ASPH: variants seen among roughly 807,000 people sequenced by gnomAD.
The protein encoded by ASPH is aspartyl/asparaginyl beta-hydroxylase.
In ASPH, 100 loss-of-function variants were observed where a neutral mutation model predicts 118.4. That is an observed-to-expected ratio of 0.84 (90% CI 0.72 to 1.00). The LOEUF (loss-of-function observed/expected upper bound fraction) is 1.00. Among genes scored for constraint, ASPH ranks in the 50% least tolerant of loss-of-function variants. The pLI, the probability that ASPH is intolerant of heterozygous loss-of-function variation, is 0.00. For missense variants in ASPH, 920 were observed against 919.5 expected (o/e 1.00, Z -0.01); for synonymous variants, 315 against 325.6 (o/e 0.97, Z 0.35).
intron 3 of ASPH, chr8:61,662,978 G>A: frequency 1.0e-6 from 1 of 985,386 alleles, no homozygotes. Flanking sequence ...AAAATTACCA[G>A]AATGCTCTCA....
At chr8:61,691,285 A>T (rs1441531946) in intron 1 of ASPH, among the ~76,000 whole-genome samples, 1 of 152,204 alleles carries the variant, frequency 6.6e-6, no homozygotes, top group Non-Finnish European at 1.5e-5. Flanking sequence ...CATAGTCTGC[A>T]ACCTATGGTA....
intron 15 of ASPH, chr8:61,579,042 C>T (rs1374486247): frequency 2.4e-5 from 39 of 1,610,466 alleles, no homozygotes; most frequent in Admixed American, 1.7e-4. Flanking sequence ...CAACCAAAGA[C>T]GGGCTGAGGC....
intron 1 of ASPH, among the ~76,000 whole-genome samples, chr8:61,700,290 C>A (rs968708161): frequency 3.3e-5 from 5 of 152,212 alleles, no homozygotes; most frequent in African/African-American, 1.2e-4. Context: ...TTTTCCTCCC[C>A]AGCACAGCCC....
intron 14 of ASPH, among the ~76,000 whole-genome samples, chr8:61,588,944 C>T (rs1427733419): frequency 6.6e-6 from 1 of 152,156 alleles, no homozygotes; most frequent in Non-Finnish European, 1.5e-5. Flanking sequence ...GCAATAACAC[C>T]AGTACCTGCA....
chr8:61,562,786 GA>G lies in ASPH; in HGVS notation c.1394del (p.Leu465ProfsTer2). On this transcript the variant is annotated frameshift_variant, in exon 18 of 25. Transcript: ENST00000379454. LOFTEE classifies it high-confidence loss of function. ...SLKNDLGVGY[L>X]LIGDNDNAKK... ...TTGCATTGTCATTATCTCCTATCAA[GA>G]GGTATCCCACGCCAAGGTCATTTTT... 6.2e-7 allele frequency: 1 copy of G among 1,612,130 alleles called. No individual in the cohort carries two copies. The highest frequency in any genetic ancestry group is 1.1e-5 in the South Asian group (1 of 90,668).
At chr8:61,546,239 C>T (rs868788856) in intron 21 of ASPH, among the ~76,000 whole-genome samples, 14 of 152,184 alleles carry the variant, frequency 9.2e-5, no homozygotes, top group Admixed American at 9.2e-4. Context: ...TATACTGCCC[C>T]GAAGTCTGCC....
intron 4 of ASPH, 39 bp downstream of exon 4, chr8:61,653,529 G>A: frequency 2.5e-6 from 4 of 1,593,802 alleles, no homozygotes; most frequent in South Asian, 2.3e-5. Flanking sequence ...TCAGGCTCTG[G>A]CACACCTGGG....
intron 14 of ASPH, among the ~76,000 whole-genome samples, chr8:61,613,693 G>A (rs545763182): frequency 2.0e-5 from 3 of 152,312 alleles, no homozygotes; most frequent in Middle Eastern, 3.4e-3. Flanking sequence ...TTTAAGAAAT[G>A]GGAGTGATAA....
intron 3 of ASPH, among the ~76,000 whole-genome samples, chr8:61,670,115 C>A (rs540901843): frequency 6.6e-6 from 1 of 151,594 alleles, no homozygotes; most frequent in African/African-American, 2.4e-5. Context: ...ATAATTTAAA[C>A]AATTATTACA....
intron 14 of ASPH, among the ~76,000 whole-genome samples, chr8:61,597,393 A>T (rs1444955352): frequency 6.6e-6 from 1 of 152,096 alleles, no homozygotes; most frequent in South Asian, 2.1e-4. Flanking sequence ...TACATAATAT[A>T]TGTGACACCA....
chr8:61,653,803 G>A, intron 3 of ASPH, 143 bp from the exon 4 acceptor site: 1 of 824,920 alleles, frequency 1.2e-6, no homozygotes, highest in Non-Finnish European at 1.8e-6. Flanking sequence ...AAAAAGTGAG[G>A]TAGGAAAACA....
chr8:61,618,053 CT>C (rs1472530822), intron 14 of ASPH, among the ~76,000 whole-genome samples: 1 of 151,528 alleles, frequency 6.6e-6, no homozygotes, highest in East Asian at 1.9e-4. Flanking sequence ...TAAACCTCAA[CT>C]TTTTAAACTA....
intron 2 of ASPH, among the ~76,000 whole-genome samples, chr8:61,681,966 C>G (rs1828297658): frequency 1.3e-5 from 2 of 151,852 alleles, no homozygotes; most frequent in Non-Finnish European, 2.9e-5. Flanking sequence ...TTTTAAACAG[C>G]TTTCTCAAAT....
intron 3 of ASPH, among the ~76,000 whole-genome samples, chr8:61,679,594 T>C (rs1214316747): frequency 6.6e-6 from 1 of 151,938 alleles, no homozygotes; most frequent in African/African-American, 2.4e-5. Flanking sequence ...TAAAATGCAG[T>C]AGATGAGAGT....
chr8:61,713,912 A>C (rs1327828674), intron 1 of ASPH, among the ~76,000 whole-genome samples: 1 of 152,058 alleles, frequency 6.6e-6, no homozygotes, highest in East Asian at 1.9e-4. Context: ...TCCCCAAAAC[A>C]CGCAAGGCAA....
intron 10 of ASPH, among the ~76,000 whole-genome samples, chr8:61,641,603 C>T (rs1251912985): frequency 6.6e-6 from 1 of 152,178 alleles, no homozygotes; most frequent in East Asian, 1.9e-4. Context: ...CATTCATATC[C>T]CATTAGAAAT....
chr8:61,670,285 A>T (rs982895601), intron 3 of ASPH, among the ~76,000 whole-genome samples: 1 of 152,012 alleles, frequency 6.6e-6, no homozygotes. Flanking sequence ...AATTTTTTAA[A>T]AAAGGAAATG....
chr8:61,559,313 G>T (rs533544738), intron 18 of ASPH, among the ~76,000 whole-genome samples: 76 of 152,298 alleles, frequency 5.0e-4, no homozygotes, highest in African/African-American at 1.8e-3. Flanking sequence ...GTGGCTTCTG[G>T]TCAACAGCAG....
chr8:61,507,432 A>C (rs988145239), intron 24 of ASPH, among the ~76,000 whole-genome samples: 1 of 152,214 alleles, frequency 6.6e-6, no homozygotes, highest in Admixed American at 6.5e-5. Flanking sequence ...TTCCCCAGAA[A>C]ATAGCAAAGA....
Sources: allele counts gnomAD v4.1 joint callset (sites outside exome capture counted in the v4.1 genomes callset), GRCh38; gene constraint gnomAD v4.1.1; transcripts MANE v1.5; gene names NCBI Gene and HGNC (gene_info 2026-07-23, HGNC 2026-07-21).